The following TENM3 variants were observed in gnomAD, a reference collection of about 807,000 sequenced individuals.
The protein encoded by TENM3 is teneurin-3.
A neutral mutation model predicts 255.1 loss-of-function variants in TENM3; 63 were observed. The ratio of observed to expected loss-of-function variants is 0.25; its 90% CI spans 0.20 to 0.30. The LOEUF (loss-of-function observed/expected upper bound fraction) is 0.30. TENM3 is among the 10% of genes least tolerant of loss of function. The pLI is 1.00. For missense variants in TENM3, 2,929 were observed against 3,461.1 expected (o/e 0.85, Z 3.86); for synonymous variants, 1,306 against 1,322.3 (o/e 0.99, Z 0.27).
chr4:181,842,071 G>A, the TENM3 span, among the ~76,000 whole-genome samples: 6 of 151,714 alleles, frequency 4.0e-5, no homozygotes, highest in South Asian at 1.2e-3. Flanking sequence ...CTGATTATAT[G>A]CAAAATTAAA....
At chr4:182,057,190 A>G in the TENM3 span, among the ~76,000 whole-genome samples, 1 of 151,818 alleles carries the variant, frequency 6.6e-6, no homozygotes, top group East Asian at 1.9e-4. Flanking sequence ...ATAAGTATTT[A>G]GAGGGGGACT....
chr4:181,858,757 T>C, the TENM3 span, among the ~76,000 whole-genome samples: 5 of 152,156 alleles, frequency 3.3e-5, no homozygotes, highest in African/African-American at 4.8e-5. Context: ...GGTGATTGAC[T>C]AGACGGGCCA....
upstream of TENM3, chr4:182,143,368 G>C (rs933234556): frequency 3.0e-5 from 5 of 166,944 alleles, no homozygotes; most frequent in African/African-American, 1.2e-4. This position sits in a 1 kb window ranked among gnomAD's most constrained non-coding sequence, Gnocchi z 4.3. Context: ...TTCGGTCTCG[G>C]ACGAAAGAAC....
chr4:181,815,022 C>A, the TENM3 span, among the ~76,000 whole-genome samples: 2 of 151,888 alleles, frequency 1.3e-5, no homozygotes, highest in African/African-American at 4.8e-5. Context: ...CCCTCAAGAG[C>A]CTGATTTAGG....
At chr4:182,016,873 C>A in the TENM3 span, among the ~76,000 whole-genome samples, 9 of 152,112 alleles carry the variant, frequency 5.9e-5, no homozygotes, top group Non-Finnish European at 1.0e-4. Flanking sequence ...AAGTAACAAT[C>A]ATTTTCATGT....
the TENM3 span, among the ~76,000 whole-genome samples, chr4:181,824,268 ATTT>A: frequency 1.2e-4 from 18 of 145,078 alleles, no homozygotes; most frequent in African/African-American, 3.0e-4. Flanking sequence ...CACCTGGCTA[ATTT>A]TTTTTTTTTT....
intron 16 of TENM3, among the ~76,000 whole-genome samples, chr4:182,736,031 A>G (rs1477002259): frequency 6.6e-6 from 1 of 152,208 alleles, no homozygotes; most frequent in African/African-American, 2.4e-5. Context: ...ATGTGCATTT[A>G]ATAACATATT....
chr4:181,944,384 T>G, the TENM3 span, among the ~76,000 whole-genome samples: 1 of 149,612 alleles, frequency 6.7e-6, no homozygotes, highest in Non-Finnish European at 1.5e-5. Context: ...TGCTTTTGTG[T>G]TCTATGTTGG....
intron 1 of TENM3, among the ~76,000 whole-genome samples, chr4:182,197,951 A>G (rs978865094): frequency 1.3e-5 from 2 of 152,138 alleles, no homozygotes; most frequent in South Asian, 4.2e-4. Flanking sequence ...CTAAAAATAC[A>G]TAACTTAGCT....
Position 182,699,964 on chromosome 4 carries a change from CA to C in TENM3, c.2221+11614del, listed in dbSNP as rs914429162. ...TGCTCCTTCTGCTTGCCAAGTTCATCAGAAGCCTTTTATTGAAAAGTTTAGA... is the reference window on the plus strand; with the variant it reads ...TGCTCCTTCTGCTTGCCAAGTTCATCGAAGCCTTTTATTGAAAAGTTTAGA... On this transcript the variant is annotated intron_variant, in intron 12 of 27. Transcript: ENST00000511685. Among the ~76,000 whole-genome samples, 146 of 152,118 alleles carry C rather than the reference CA, an allele frequency of 9.6e-4. 1 individual carries two copies. The highest frequency in any genetic ancestry group is 3.2e-3 in the African/African-American group (134 of 41,496).
intron 3 of TENM3, among the ~76,000 whole-genome samples, chr4:182,446,155 G>A (rs1254427216): frequency 6.6e-6 from 1 of 152,080 alleles, no homozygotes; most frequent in Non-Finnish European, 1.5e-5. Flanking sequence ...TTGCCCCATG[G>A]GCTGCTACTG....
At chr4:181,661,569 G>T in the TENM3 span, among the ~76,000 whole-genome samples, 3 of 152,086 alleles carry the variant, frequency 2.0e-5, no homozygotes, top group East Asian at 3.8e-4. Flanking sequence ...GACACAGAAA[G>T]TCTTAAACAG....
intron 3 of TENM3, among the ~76,000 whole-genome samples, chr4:182,357,599 T>C (rs1038861319): frequency 1.4e-4 from 21 of 147,878 alleles, no homozygotes; most frequent in Admixed American, 2.7e-4. Context: ...TTGAGTTCAT[T>C]GTAGATTCTG....
the TENM3 span, among the ~76,000 whole-genome samples, chr4:181,604,527 A>T: frequency 3.3e-4 from 50 of 152,180 alleles, 1 homozygote; most frequent in South Asian, 9.8e-3. Context: ...CTCAAATGGG[A>T]TGGCTGTGCG....
At chr4:182,518,315 G>T (rs1464966453) in intron 3 of TENM3, among the ~76,000 whole-genome samples, 2 of 152,128 alleles carry the variant, frequency 1.3e-5, no homozygotes, top group African/African-American at 4.8e-5. Flanking sequence ...GTGACTGTGA[G>T]TGGGATCTGT....
chr4:181,897,319 G>A, the TENM3 span, among the ~76,000 whole-genome samples: 1 of 152,174 alleles, frequency 6.6e-6, no homozygotes. Context: ...ATACCTCATT[G>A]ATTTCAGCTT....
At chr4:182,279,092 C>G (rs1284944672) in intron 1 of TENM3, among the ~76,000 whole-genome samples, 1 of 152,164 alleles carries the variant, frequency 6.6e-6, no homozygotes, top group Non-Finnish European at 1.5e-5. Context: ...ACCAGCAATT[C>G]GAAGTTGCTT....
At chr4:181,513,588 C>T in the TENM3 span, among the ~76,000 whole-genome samples, 6 of 152,134 alleles carry the variant, frequency 3.9e-5, no homozygotes, top group Admixed American at 1.3e-4. Context: ...TCCAGAAAGA[C>T]GGGAACAATA....
chr4:181,906,654 G>T, the TENM3 span, among the ~76,000 whole-genome samples: 1 of 152,156 alleles, frequency 6.6e-6, no homozygotes, highest in Non-Finnish European at 1.5e-5. Context: ...AAGCCATATT[G>T]AAAATGAGGG....
Sources: allele counts gnomAD v4.1 joint callset (sites outside exome capture counted in the v4.1 genomes callset), GRCh38; gene constraint gnomAD v4.1.1; non-coding constraint Gnocchi (gnomAD v3.1); transcripts MANE v1.5; gene names NCBI Gene and HGNC (gene_info 2026-07-23, HGNC 2026-07-21).